The following GABPB2 variants were observed in gnomAD, a reference collection of about 807,000 sequenced individuals.
The protein encoded by GABPB2 is GA binding protein transcription factor subunit beta 2.
GABPB2 carries 23 observed loss-of-function variants against 39.1 expected under a neutral mutation model. The observed-to-expected ratio is 0.59, with a 90% CI of 0.42 to 0.83. The LOEUF (loss-of-function observed/expected upper bound fraction) is 0.83. Ranked by LOEUF, GABPB2 falls within the 40% of genes least tolerant of loss-of-function variation. The probability of loss-of-function intolerance (pLI) is 0.00; values close to 1 mark genes in which losing one functional copy is unlikely to be tolerated. For synonymous variants in GABPB2, 184 were observed against 199.3 expected, an observed-to-expected ratio of 0.92 and a Z score of 0.65; for missense variants, 467 against 541.1, an observed-to-expected ratio of 0.86 and a Z score of 1.36.
intron 7 of GABPB2, among the ~76,000 whole-genome samples, chr1:151,117,146 T>C (rs1420942208): frequency 6.6e-6 from 1 of 152,180 alleles, no homozygotes; most frequent in African/African-American, 2.4e-5. Flanking sequence ...TATCAAGGAA[T>C]ATATTTTACT....
chr1:151,100,270 G>A (rs1679411513), intron 5 of GABPB2, among the ~76,000 whole-genome samples: 1 of 151,184 alleles, frequency 6.6e-6, no homozygotes, highest in African/African-American at 2.4e-5. Context: ...TCAGCCTCCC[G>A]AGTAGCTGGG....
At chr1:151,085,621 A>T (rs998944849) in intron 1 of GABPB2, among the ~76,000 whole-genome samples, 24 of 151,536 alleles carry the variant, frequency 1.6e-4, no homozygotes, top group Admixed American at 6.6e-4. Flanking sequence ...ATATATATAT[A>T]TTTTGTATTT....
At chr1:151,108,291 T>C (rs1415790334) in intron 7 of GABPB2, among the ~76,000 whole-genome samples, 3 of 152,084 alleles carry the variant, frequency 2.0e-5, no homozygotes, top group Admixed American at 1.3e-4. Context: ...TGCCTCAGCC[T>C]CCTGAGTAGC....
chr1:151,108,442 G>A (rs777739070), intron 7 of GABPB2, among the ~76,000 whole-genome samples: 42 of 152,174 alleles, frequency 2.8e-4, no homozygotes, highest in Non-Finnish European at 5.3e-4. Context: ...AGAGTGCTGG[G>A]ATTATAGGTA....
intron 4 of GABPB2, 73 bp from the exon 5 acceptor site, chr1:151,097,776 CAAA>C (rs35034487): frequency 1.8e-3 from 2,173 of 1,211,154 alleles, no homozygotes; most frequent in South Asian, 3.0e-3. Flanking sequence ...GAGACTGTCT[CAAA>C]AAAAAAAAAA....
intron 7 of GABPB2, among the ~76,000 whole-genome samples, chr1:151,113,128 G>A (rs947452402): frequency 6.6e-6 from 1 of 151,444 alleles, no homozygotes; most frequent in Non-Finnish European, 1.5e-5. Context: ...TCCCAGGCTG[G>A]TCTCAGACTC....
intron 7 of GABPB2, among the ~76,000 whole-genome samples, chr1:151,109,663 G>GT (rs920115346): frequency 1.1e-4 from 17 of 149,962 alleles, no homozygotes; most frequent in East Asian, 5.9e-4. Flanking sequence ...CCGGCCTATA[G>GT]TTTTTTTTTG....
intron 1 of GABPB2, among the ~76,000 whole-genome samples, chr1:151,074,887 T>C (rs1272540477): frequency 6.6e-6 from 1 of 152,140 alleles, no homozygotes; most frequent in Non-Finnish European, 1.5e-5. Flanking sequence ...GCACAGTGGC[T>C]CACACCACTT....
intron 1 of GABPB2, among the ~76,000 whole-genome samples, chr1:151,072,047 A>G (rs1676772623): frequency 6.6e-6 from 1 of 152,210 alleles, no homozygotes; most frequent in Non-Finnish European, 1.5e-5. Context: ...CCAAGACCAT[A>G]TTTTCATCTA....
At chr1:151,072,009 A>G (rs1676767399) in intron 1 of GABPB2, among the ~76,000 whole-genome samples, 1 of 152,208 alleles carries the variant, frequency 6.6e-6, no homozygotes, top group South Asian at 2.1e-4. Flanking sequence ...ATGGCTTACT[A>G]TCAACGATGT....
rs1681148223 is a variant in GABPB2 at position 151,120,619 on chromosome 1, TA to T, written c.*2364del. 6.6e-6 allele frequency: 1 copy of T among 152,184 alleles called. No homozygotes were observed. Among genetic ancestry groups the T allele is most frequent in the African/African-American group, 2.4e-5 (1 of 41,452 alleles). 9.4% of individuals were successfully genotyped at this position (152,184 alleles called of 1,614,324 possible). On this transcript the variant is annotated 3_prime_UTR_variant, in exon 9 of 9. Transcript: ENST00000368918. ...TGGGAAGTGGCCAGAAAAAGGCTTA[TA>T]GGGGCTATGAAACTCTGGTCTTGAC...
chr1:151,117,566 G>A, intron 8 of GABPB2, 50 bp downstream of exon 8: 2 of 1,574,704 alleles, frequency 1.3e-6, no homozygotes, highest in South Asian at 1.1e-5. Flanking sequence ...AATTATTAAG[G>A]CCTGAACCCT....
intron 1 of GABPB2, among the ~76,000 whole-genome samples, chr1:151,079,813 T>G (rs1044448157): frequency 1.3e-5 from 2 of 151,796 alleles, no homozygotes; most frequent in Non-Finnish European, 2.9e-5. Context: ...GGAGAATCGC[T>G]TGAACCTAGG....
intron 1 of GABPB2, among the ~76,000 whole-genome samples, chr1:151,077,734 C>G (rs1379228438): frequency 6.6e-6 from 1 of 150,980 alleles, no homozygotes; most frequent in African/African-American, 2.4e-5. Flanking sequence ...AGGTGGATCA[C>G]AAGGTCAGGA....
At chr1:151,071,241 G>A (rs1047396679) in intron 1 of GABPB2, among the ~76,000 whole-genome samples, 1 of 152,126 alleles carries the variant, frequency 6.6e-6, no homozygotes, top group Non-Finnish European at 1.5e-5. Flanking sequence ...GCGGAGCCGG[G>A]GCCGAGGCCT....
chr1:151,092,860 T>C (rs1678828781), intron 3 of GABPB2, among the ~76,000 whole-genome samples: 1 of 152,190 alleles, frequency 6.6e-6, no homozygotes, highest in Admixed American at 6.6e-5. Context: ...ATTTTTCTTC[T>C]TTCCGTTCCT....
intron 4 of GABPB2, among the ~76,000 whole-genome samples, chr1:151,095,184 A>G (rs1372351009): frequency 1.3e-5 from 2 of 152,148 alleles, no homozygotes; most frequent in Non-Finnish European, 2.9e-5. Flanking sequence ...GAGAAGTGAG[A>G]AAACTATATT....
chr1:151,104,398 G>A (rs1437693167), intron 6 of GABPB2, among the ~76,000 whole-genome samples: 1 of 152,074 alleles, frequency 6.6e-6, no homozygotes, highest in African/African-American at 2.4e-5. Context: ...ATGACATTTG[G>A]GTGGTAAGAA....
chr1:151,108,075 C>G (rs750518837), intron 7 of GABPB2, among the ~76,000 whole-genome samples: 4 of 152,190 alleles, frequency 2.6e-5, no homozygotes, highest in African/African-American at 9.6e-5. Context: ...TTATAAATCA[C>G]TTGTGAGAGT....
Sources: gnomAD v4.1 joint callset for allele counts (sites outside exome capture counted in the v4.1 genomes callset) on GRCh38, gnomAD v4.1.1 for gene constraint, MANE v1.5 for transcripts, NCBI Gene and HGNC (gene_info 2026-07-23, HGNC 2026-07-21) for gene names.